The following HS3ST1 variants were observed in gnomAD, a reference collection of about 807,000 sequenced individuals.
The protein encoded by HS3ST1 is heparan sulfate glucosamine 3-O-sulfotransferase 1.
A neutral mutation model predicts 20.7 loss-of-function variants in HS3ST1; 8 were observed. That is an observed-to-expected ratio of 0.39 (90% confidence interval 0.23 to 0.70). HS3ST1 has a LOEUF of 0.70. Among genes scored for constraint, HS3ST1 ranks in the 30% least tolerant of loss-of-function variants. The pLI, the probability that HS3ST1 is intolerant of heterozygous loss-of-function variation, is 0.46. For synonymous variants in HS3ST1, 205 were observed against 190.4 expected (o/e 1.08, Z -0.63); for missense variants, 436 against 423.4 (o/e 1.03, Z -0.26).
At chr4:11,430,222 A>G (rs1719177867), upstream of HS3ST1, among the ~76,000 whole-genome samples, 1 of 152,174 alleles carries the variant, frequency 6.6e-6, no homozygotes, top group Non-Finnish European at 1.5e-5. Context: ...GTGCTTTTGG[A>G]AAATAAGCTT....
At chr4:11,426,675 T>G (rs1719069668) in intron 1 of HS3ST1, among the ~76,000 whole-genome samples, 1 of 152,264 alleles carries the variant, frequency 6.6e-6, no homozygotes, top group Non-Finnish European at 1.5e-5. Flanking sequence ...TCATCTATGC[T>G]GCTGTTGTAA....
At chr4:11,423,241 G>A (rs1718982929) in intron 1 of HS3ST1, among the ~76,000 whole-genome samples, 2 of 151,968 alleles carry the variant, frequency 1.3e-5, no homozygotes, top group South Asian at 2.1e-4. Context: ...ATGCAATGCC[G>A]GGTACATGGC....
At chr4:11,420,299 A>T (rs1718898593) in intron 1 of HS3ST1, among the ~76,000 whole-genome samples, 1 of 152,238 alleles carries the variant, frequency 6.6e-6, no homozygotes, top group East Asian at 1.9e-4. Context: ...GAAATGCAAC[A>T]TTTTCACAGC....
intron 1 of HS3ST1, among the ~76,000 whole-genome samples, chr4:11,419,549 G>T (rs927502979): frequency 1.3e-5 from 2 of 151,970 alleles, no homozygotes; most frequent in Non-Finnish European, 2.9e-5. Context: ...CCTAGATGAC[G>T]GGTTGATGGG....
At chr4:11,400,823 C>T (rs567475990) in intron 1 of HS3ST1, among the ~76,000 whole-genome samples, 6 of 152,352 alleles carry the variant, frequency 3.9e-5, no homozygotes, top group Admixed American at 3.9e-4. Context: ...GATGTGACAA[C>T]GTATCAGTCC....
Position 11,396,910 on chromosome 4 carries a change from C to T in HS3ST1, c.*2172G>A, listed in dbSNP as rs750181626. On this transcript the variant is annotated 3_prime_UTR_variant, in exon 2 of 2. Coordinates refer to ENST00000002596, the MANE Select transcript of HS3ST1 (RefSeq NM_005114.4). The stretch of plus-strand genomic sequence containing the variant: ...TCCATGTGCTGGTCCTGTCTTCCTC[C>T]ACTCCTCCCCGCTGCCTCTTGCATC... 6 of 152,362 alleles carry T rather than the reference C, an allele frequency of 3.9e-5. No homozygotes were observed. The highest frequency in any genetic ancestry group is 7.3e-5 in the Non-Finnish European group (5 of 68,148). The allele number at this position is 152,362 out of a possible 1,614,324, so 9.4% of individuals were successfully genotyped here. A position where few individuals can be genotyped will look rare whatever the true frequency, so the allele number is the denominator to read the frequency against.
chr4:11,432,874 C>T (rs962504703), upstream of HS3ST1, among the ~76,000 whole-genome samples: 1 of 152,220 alleles, frequency 6.6e-6, no homozygotes, highest in African/African-American at 2.4e-5. Flanking sequence ...CCTCCCCAAC[C>T]ATCCCGTCCC....
chr4:11,422,058 C>T (rs949950284), intron 1 of HS3ST1, among the ~76,000 whole-genome samples: 5 of 152,196 alleles, frequency 3.3e-5, no homozygotes, highest in Non-Finnish European at 5.9e-5. Flanking sequence ...AGTGCTTTTG[C>T]ACAAGCAGAC....
chr4:11,424,077 G>T (rs1719004142), intron 1 of HS3ST1, among the ~76,000 whole-genome samples: 1 of 144,254 alleles, frequency 6.9e-6, no homozygotes, highest in Admixed American at 7.0e-5. Flanking sequence ...GGTCTGGCAA[G>T]ACCAGACCTG....
At chr4:11,422,494 G>C (rs1718964587) in intron 1 of HS3ST1, among the ~76,000 whole-genome samples, 1 of 152,174 alleles carries the variant, frequency 6.6e-6, no homozygotes, top group South Asian at 2.1e-4. Flanking sequence ...ATGAAAGAAA[G>C]AAGGTGATGA....
intron 1 of HS3ST1, among the ~76,000 whole-genome samples, chr4:11,419,548 C>T (rs763791824): frequency 8.6e-5 from 13 of 151,916 alleles, no homozygotes; most frequent in Admixed American, 4.6e-4. Flanking sequence ...ACCTAGATGA[C>T]GGGTTGATGG....
chr4:11,423,018 C>A (rs531959060), intron 1 of HS3ST1, among the ~76,000 whole-genome samples: 5 of 26,602 alleles, frequency 1.9e-4, no homozygotes, highest in African/African-American at 9.4e-4. Flanking sequence ...AGCGAGACAC[C>A]GTCAAAAAAA....
intron 1 of HS3ST1, among the ~76,000 whole-genome samples, chr4:11,410,289 G>A (rs746379456): frequency 6.6e-6 from 1 of 152,194 alleles, no homozygotes; most frequent in Non-Finnish European, 1.5e-5. Context: ...AGATCCAGCC[G>A]TGGAAACTCA....
At chr4:11,404,680 C>G (rs1486468187) in intron 1 of HS3ST1, among the ~76,000 whole-genome samples, 1 of 152,214 alleles carries the variant, frequency 6.6e-6, no homozygotes, top group Non-Finnish European at 1.5e-5. Flanking sequence ...AAGAAACAAA[C>G]CAGGTAAAAG....
At position 11,399,359 on chromosome 4, in the gene HS3ST1, T is replaced by C. The variant is rs780727760; in HGVS notation, c.647A>G (p.Asp216Gly). 6.2e-7 allele frequency: 1 copy of C among 1,613,942 alleles called. No homozygotes were observed. Among genetic ancestry groups the C allele is most frequent in the Non-Finnish European group, 8.5e-7 (1 of 1,179,986 alleles). Residue 216 changes from aspartate (D) to glycine (G), a missense_variant, in exon 2 of 2, where the codon GAC becomes GGC. Coordinates refer to ENST00000002596, the MANE Select transcript of HS3ST1 (RefSeq NM_005114.4). This position sits in a 1 kb window ranked among gnomAD's most constrained non-coding sequence, Gnocchi z 5.1. ...GGGGTCCCTGATGAGGCGGTCGCCG[T>C]CCACAATGTGGATGTGGCGCAGCGG... ...FFPLRHIHIV[D>G]GDRLIRDPFP...
chr4:11,398,887 A>T lies in HS3ST1; in HGVS notation c.*195T>A, dbSNP rs929659743. The T allele has an allele frequency of 3.8e-6, 2 of 521,092 alleles. No individual in the cohort carries two copies. Among genetic ancestry groups the T allele is most frequent in the African/African-American group, 3.9e-5 (2 of 51,912 alleles). 32.3% of individuals were successfully genotyped at this position (521,092 alleles called of 1,614,324 possible). A position where few individuals can be genotyped will look rare whatever the true frequency, so the allele number is the denominator to read the frequency against. On this transcript the variant is annotated 3_prime_UTR_variant, in exon 2 of 2. Coordinates refer to ENST00000002596, the MANE Select transcript of HS3ST1 (RefSeq NM_005114.4). ...AATGTTAACAACCATGAAAAACAAT[A>T]CAAAATGCCCTCCATTTAACAAGTA...
intron 1 of HS3ST1, among the ~76,000 whole-genome samples, chr4:11,410,697 G>C (rs191615207): frequency 1.9e-3 from 283 of 152,236 alleles, no homozygotes; most frequent in African/African-American, 6.4e-3. Context: ...TTCAAGACCA[G>C]CCGGTCAAAC....
chr4:11,424,738 C>G (rs972859444), intron 1 of HS3ST1, among the ~76,000 whole-genome samples: 35 of 152,110 alleles, frequency 2.3e-4, no homozygotes, highest in African/African-American at 8.0e-4. Flanking sequence ...TAAATAAACA[C>G]TCCAATGTCC....
rs755073912 is a variant in HS3ST1 at position 11,399,790 on chromosome 4, C to G, written c.216G>C (p.Glu72Asp). 1.9e-6 allele frequency: 3 copies of G among 1,613,514 alleles called. No homozygotes were observed. The highest frequency in any genetic ancestry group is 2.5e-6 in the Non-Finnish European group (3 of 1,179,960). Reference sequence around the variant, plus strand: ...CCACGTCGGGGTGCAGGCTGAGCATCTCCAGCAGTGCGCGCGTGCCGCCCT... The same window carrying G: ...CCACGTCGGGGTGCAGGCTGAGCATGTCCAGCAGTGCGCGCGTGCCGCCCT... ...VRKGGTRALL[E>D]MLSLHPDVAA... Residue 72 changes from glutamate (E) to aspartate (D), a missense_variant, in exon 2 of 2, where the codon GAG becomes GAC. By Grantham distance (45) the Glu-to-Asp change is conservative. Coordinates refer to ENST00000002596, the MANE Select transcript of HS3ST1 (RefSeq NM_005114.4). This position sits in a 1 kb window ranked among gnomAD's most constrained non-coding sequence, Gnocchi z 5.1.
Sources: allele counts gnomAD v4.1 joint callset (sites outside exome capture counted in the v4.1 genomes callset), GRCh38; gene constraint gnomAD v4.1.1; non-coding constraint Gnocchi (gnomAD v3.1); transcripts MANE v1.5; gene names NCBI Gene and HGNC (gene_info 2026-07-23, HGNC 2026-07-21).